Variants in CSF1R observed in about 807,000 individuals in gnomAD.
CSF1R encodes the protein colony stimulating factor 1 receptor.
A neutral mutation model predicts 110.0 loss-of-function variants in CSF1R; 40 were observed. That is an observed-to-expected ratio of 0.36 (90% CI 0.28 to 0.47). The LOEUF is 0.47. CSF1R is among the 20% of genes least tolerant of loss of function. The pLI is 0.99. For missense variants in CSF1R, 1,052 were observed against 1,253.0 expected (o/e 0.84, Z 2.42); for synonymous variants, 523 against 503.4 (o/e 1.04, Z -0.52).
chr5:150,075,653 A>G (rs1758230159), intron 5 of CSF1R, among the ~76,000 whole-genome samples: 1 of 152,196 alleles, frequency 6.6e-6, no homozygotes, highest in Admixed American at 6.5e-5. Context: ...ACTCCCAGCT[A>G]GAGCACACAC....
At chr5:150,071,986 C>T (rs1175614496) in intron 6 of CSF1R, among the ~76,000 whole-genome samples, 1 of 152,132 alleles carries the variant, frequency 6.6e-6, no homozygotes, top group African/African-American at 2.4e-5. Flanking sequence ...TTGAAGTTGT[C>T]TAAGGGATCC....
At chr5:150,090,448 C>T (rs1176228075), upstream of CSF1R, among the ~76,000 whole-genome samples, 2 of 152,160 alleles carry the variant, frequency 1.3e-5, no homozygotes, top group African/African-American at 4.8e-5. Flanking sequence ...GTAAAGCCCT[C>T]CCCAAACCCC....
intron 1 of CSF1R, chr5:150,113,118 C>T (rs534015168): frequency 1.3e-5 from 2 of 152,314 alleles, no homozygotes; most frequent in African/African-American, 4.8e-5. Flanking sequence ...GGCCTGGGCT[C>T]GGCAGGAGAG....
chr5:150,059,887 G>A, intron 13 of CSF1R, 25 bp from the exon 14 acceptor site: 1 of 1,592,870 alleles, frequency 6.3e-7, no homozygotes, highest in Non-Finnish European at 8.6e-7. Flanking sequence ...GGTGTGGGGT[G>A]AGGGAGGTGC....
Position 150,076,348 on chromosome 5 carries a change from A to G in CSF1R, c.889+928T>C, listed in dbSNP as rs1352218363. Among the ~76,000 whole-genome samples, 26 of 151,684 alleles carry G rather than the reference A, an allele frequency of 1.7e-4. No individual in the cohort carries two copies. In the East Asian group the frequency reaches 5.0e-3, roughly 29 times the overall value. ...TATCTATCTATCTATCTATCTATCTATCTATCTATCTATCTATCTATCTAT... is the reference window on the plus strand; with the variant it reads ...TATCTATCTATCTATCTATCTATCTGTCTATCTATCTATCTATCTATCTAT... On this transcript the variant is annotated intron_variant, in intron 5 of 20. Coordinates refer to ENST00000675795, the MANE Select transcript of CSF1R (RefSeq NM_001288705.3).
At chr5:150,089,701 C>T (rs1416950423), upstream of CSF1R, among the ~76,000 whole-genome samples, 1 of 152,166 alleles carries the variant, frequency 6.6e-6, no homozygotes, top group African/African-American at 2.4e-5. Context: ...AGCTGATTCT[C>T]AAATTCATAT....
intron 5 of CSF1R, among the ~76,000 whole-genome samples, chr5:150,075,709 C>T (rs1758232188): frequency 6.6e-6 from 1 of 152,190 alleles, no homozygotes; most frequent in Non-Finnish European, 1.5e-5. Context: ...GCAGCTGTAT[C>T]CTCGATGTCT....
chr5:150,055,909 A>G, intron 18 of CSF1R, 117 bp downstream of exon 18: 1 of 896,620 alleles, frequency 1.1e-6, no homozygotes, highest in South Asian at 1.7e-5. Flanking sequence ...GCCCTTGCCC[A>G]TTCCTGCACT....
At position 150,080,832 on chromosome 5, in the gene CSF1R, G is replaced by A; in HGVS notation, c.242C>T (p.Thr81Ile). The change falls in exon 2 of 21, where the codon ACC becomes ATC. Residue 81 changes from threonine to isoleucine, a missense_variant. This residue lies in a region of CSF1R where 693 missense variants were observed against 735.4 expected (regional missense o/e 0.94). Coordinates refer to ENST00000675795, the MANE Select transcript of CSF1R (RefSeq NM_001288705.3). ...TNNATFQNTG[T>I]YRCTEPGDPL... The stretch of plus-strand genomic sequence containing the variant: ...GTCTCCAGGCTCAGTGCAGCGATAG[G>A]TCCCCGTGTTTTGGAAGGTAGCGTT... 2 of 1,614,146 alleles carry A rather than the reference G, an allele frequency of 1.2e-6. No individual in the cohort carries two copies.
intron 14 of CSF1R, 89 bp downstream of exon 14, chr5:150,059,611 G>A: frequency 6.6e-7 from 1 of 1,506,012 alleles, no homozygotes; most frequent in Non-Finnish European, 9.1e-7. Flanking sequence ...ACCCATTCAT[G>A]AGCCATCCAA....
chr5:150,084,704 G>A (rs1270342287), intron 1 of CSF1R, among the ~76,000 whole-genome samples: 3 of 151,838 alleles, frequency 2.0e-5, no homozygotes, highest in Non-Finnish European at 2.9e-5. Flanking sequence ...CACCCGCCTC[G>A]GCCTCCCAGA....
chr5:150,112,355 C>T (rs1018859392), intron 1 of CSF1R, among the ~76,000 whole-genome samples: 1 of 152,162 alleles, frequency 6.6e-6, no homozygotes, highest in Non-Finnish European at 1.5e-5. Flanking sequence ...TGTGAAGCAA[C>T]CAGACAGCCC....
chr5:150,055,226 C>T lies in CSF1R; in HGVS notation c.2654+11G>A, dbSNP rs1757150765. 4 of 1,612,282 alleles carry T rather than the reference C, an allele frequency of 2.5e-6. No individual in the cohort carries two copies. Among genetic ancestry groups the T allele is most frequent in the Non-Finnish European group, 3.4e-6 (4 of 1,178,344 alleles). On this transcript the variant is annotated intron_variant, in intron 19 of 20. Transcript: ENST00000675795. Reference sequence around the variant, plus strand: ...GGTGTCCTTTTCCCTCCCTGGGATCCCTTCGCTTACATATTCTTTGGGGCA... The same window carrying T: ...GGTGTCCTTTTCCCTCCCTGGGATCTCTTCGCTTACATATTCTTTGGGGCA...
chr5:150,054,585 C>T (rs1757106066), intron 19 of CSF1R, 155 bp from the exon 20 acceptor site: 1 of 610,302 alleles, frequency 1.6e-6, no homozygotes. Flanking sequence ...CATGCTTTAC[C>T]ATTTAATCCT....
At chr5:150,054,583 AC>A in intron 19 of CSF1R, 153 bp from the exon 20 acceptor site, 2 of 614,918 alleles carry the variant, frequency 3.3e-6, no homozygotes, top group Admixed American at 6.4e-5. Context: ...GGCATGCTTT[AC>A]CATTTAATCC....
intron 1 of CSF1R, among the ~76,000 whole-genome samples, chr5:150,086,035 C>A (rs1190907500): frequency 6.6e-6 from 1 of 152,218 alleles, no homozygotes; most frequent in African/African-American, 2.4e-5. Context: ...GTATGAAAAG[C>A]ACTGCTCTGG....
At chr5:150,055,985 G>T in intron 18 of CSF1R, 41 bp downstream of exon 18, 6 of 1,584,982 alleles carry the variant, frequency 3.8e-6, no homozygotes, top group Non-Finnish European at 5.2e-6. Flanking sequence ...AACCAGAGGA[G>T]CCAGCCCCAG....
At chr5:150,105,630 C>T (rs1349532281) in intron 1 of CSF1R, among the ~76,000 whole-genome samples, 2 of 152,002 alleles carry the variant, frequency 1.3e-5, no homozygotes, top group East Asian at 1.9e-4. Flanking sequence ...TCAAGCAATC[C>T]TCCTGCCTCA....
intron 1 of CSF1R, among the ~76,000 whole-genome samples, chr5:150,111,296 A>T (rs1759710518): frequency 6.6e-6 from 1 of 152,014 alleles, no homozygotes; most frequent in South Asian, 2.1e-4. Context: ...TGGCGGAAGA[A>T]TTGTGCAGTC....
Sources: gnomAD v4.1 joint callset for allele counts (sites outside exome capture counted in the v4.1 genomes callset) on GRCh38, gnomAD v4.1.1 for gene constraint, gnomAD v4.1.1 regional missense constraint, MANE v1.5 for transcripts, NCBI Gene and HGNC (gene_info 2026-07-23, HGNC 2026-07-21) for gene names.